ANKS1B: variants seen among roughly 807,000 people sequenced by gnomAD.
The protein encoded by ANKS1B is ankyrin repeat and sterile alpha motif domain-containing protein 1B.
ANKS1B carries 36 observed loss-of-function variants against 148.3 expected under a neutral mutation model. That is an observed-to-expected ratio of 0.24 (90% confidence interval 0.19 to 0.32). The LOEUF is 0.32. Among genes scored for constraint, ANKS1B ranks in the 10% least tolerant of loss-of-function variants. The probability of loss-of-function intolerance (pLI) is 1.00; values close to 1 mark genes in which losing one functional copy is unlikely to be tolerated. For missense variants in ANKS1B, 1,157 were observed against 1,542.6 expected (o/e 0.75, Z 4.19); for synonymous variants, 542 against 560.8 (o/e 0.97, Z 0.47).
At chr12:99,322,855 GAGTA>G (rs919951060) in intron 12 of ANKS1B, among the ~76,000 whole-genome samples, 3 of 152,194 alleles carry the variant, frequency 2.0e-5, no homozygotes, top group Non-Finnish European at 4.4e-5. Flanking sequence ...TCACGGTAGT[GAGTA>G]AGTCTCACAA....
chr12:98,812,508 G>C (rs2099105250), intron 19 of ANKS1B, among the ~76,000 whole-genome samples: 2 of 152,216 alleles, frequency 1.3e-5, no homozygotes, highest in Non-Finnish European at 2.9e-5. Context: ...CATCGTGTCA[G>C]TGCAAGTGGT....
chr12:98,938,080 A>T (rs1462026138), intron 17 of ANKS1B, among the ~76,000 whole-genome samples: 1 of 152,190 alleles, frequency 6.6e-6, no homozygotes, highest in Non-Finnish European at 1.5e-5. Flanking sequence ...GTGGGGACAC[A>T]GAGCCAAACC....
At chr12:99,513,913 A>G (rs565056609) in intron 9 of ANKS1B, among the ~76,000 whole-genome samples, 1 of 152,150 alleles carries the variant, frequency 6.6e-6, no homozygotes, top group East Asian at 1.9e-4. Context: ...TTTTCATCAT[A>G]ACTTTATTTG....
chr12:99,856,604 C>A (rs1241900769), intron 1 of ANKS1B, among the ~76,000 whole-genome samples: 2 of 152,060 alleles, frequency 1.3e-5, no homozygotes, highest in African/African-American at 4.8e-5. Flanking sequence ...AGACCAATAA[C>A]CCTGATGAAC....
chr12:99,364,154 G>T (rs2092640309), intron 12 of ANKS1B, among the ~76,000 whole-genome samples: 1 of 151,992 alleles, frequency 6.6e-6, no homozygotes, highest in Non-Finnish European at 1.5e-5. Flanking sequence ...TTTATTTTTT[G>T]CAGGACTCCT....
chr12:99,487,241 T>C (rs148241084), intron 10 of ANKS1B, among the ~76,000 whole-genome samples: 208 of 152,322 alleles, frequency 1.4e-3, no homozygotes, highest in African/African-American at 4.8e-3. Flanking sequence ...TAGACTATTA[T>C]GAATGTTGTT....
chr12:99,785,181 C>A (rs555364928), intron 4 of ANKS1B, among the ~76,000 whole-genome samples: 3 of 149,122 alleles, frequency 2.0e-5, no homozygotes, highest in African/African-American at 4.9e-5. Flanking sequence ...TTGAGCTACA[C>A]GAATGTTAGT....
rs77588477 is a variant in ANKS1B, at chr12:99,420,994, G to A, written c.1576-21183C>T. Among the ~76,000 whole-genome samples, 1,113 of 152,172 alleles carry A rather than the reference G, an allele frequency of 7.3e-3. 13 individuals carry two copies. Among genetic ancestry groups the A allele is most frequent in the African/African-American group, 0.025 (1,039 of 41,506 alleles). On this transcript the variant is annotated intron_variant, in intron 11 of 26. Coordinates refer to ENST00000683438, the MANE Select transcript of ANKS1B (RefSeq NM_001352186.2). ...AGAATTGGATTCAGATCCTAATGTCGGTATTTACAGTTTAGTATTTGCATT... is the reference window on the plus strand; with the variant it reads ...AGAATTGGATTCAGATCCTAATGTCAGTATTTACAGTTTAGTATTTGCATT...
chr12:99,898,494 T>C (rs1331142944), intron 1 of ANKS1B, among the ~76,000 whole-genome samples: 1 of 152,202 alleles, frequency 6.6e-6, no homozygotes, highest in East Asian at 1.9e-4. Flanking sequence ...CTGTCTCTTA[T>C]CTAACTTCTG....
At chr12:99,648,233 T>C in intron 9 of ANKS1B, 2 of 1,614,188 alleles carry the variant, frequency 1.2e-6, no homozygotes, top group African/African-American at 1.3e-5. Flanking sequence ...GCAATGGGCA[T>C]GTTTAACACC....
At chr12:99,739,129 T>A (rs998531117) in intron 8 of ANKS1B, among the ~76,000 whole-genome samples, 66 of 151,888 alleles carry the variant, frequency 4.3e-4, no homozygotes, top group Non-Finnish European at 1.0e-4. Flanking sequence ...ATCTCCTAAC[T>A]TTCACAACCT....
chr12:99,377,814 T>G (rs891488648), intron 12 of ANKS1B, among the ~76,000 whole-genome samples: 7 of 152,206 alleles, frequency 4.6e-5, no homozygotes, highest in African/African-American at 1.7e-4. Flanking sequence ...ATCCCATACT[T>G]TCTTCTAGAA....
intron 14 of ANKS1B, among the ~76,000 whole-genome samples, chr12:99,190,530 A>G (rs2080517803): frequency 6.6e-6 from 1 of 152,232 alleles, no homozygotes; most frequent in Admixed American, 6.5e-5. Context: ...GTCCTCAGAA[A>G]TCATACCACA....
At chr12:98,800,950 C>T (rs757951956) in intron 21 of ANKS1B, 47 bp downstream of exon 21, 18 of 1,577,628 alleles carry the variant, frequency 1.1e-5, no homozygotes, top group African/African-American at 1.4e-5. Flanking sequence ...TGAAAACATA[C>T]CCCCTATCTC....
intron 11 of ANKS1B, among the ~76,000 whole-genome samples, chr12:99,420,047 ACCTTTTTTT>A (rs1266838409): frequency 6.6e-6 from 1 of 151,982 alleles, no homozygotes; most frequent in Non-Finnish European, 1.5e-5. Context: ...CAGGTATCCT[ACCTTTTTTT>A]CATCTAAATC....
intron 1 of ANKS1B, among the ~76,000 whole-genome samples, chr12:99,894,784 A>AT (rs2093322035): frequency 6.7e-6 from 1 of 148,788 alleles, no homozygotes; most frequent in African/African-American, 2.4e-5. Context: ...TAATAATAAT[A>AT]ATATATCCAA....
chr12:99,653,614 TG>T (rs1465976523), intron 9 of ANKS1B, among the ~76,000 whole-genome samples: 1 of 152,136 alleles, frequency 6.6e-6, no homozygotes, highest in African/African-American at 2.4e-5. Flanking sequence ...TATTTTTTTT[TG>T]TTTTACATCC....
chr12:98,780,856 T>C (rs773870179), intron 24 of ANKS1B, among the ~76,000 whole-genome samples: 34 of 152,204 alleles, frequency 2.2e-4, no homozygotes, highest in Non-Finnish European at 3.7e-4. Flanking sequence ...AGAGAAAGCA[T>C]CATGACAAAG....
At chr12:99,302,722 G>T (rs1255385405) in intron 12 of ANKS1B, among the ~76,000 whole-genome samples, 1 of 152,124 alleles carries the variant, frequency 6.6e-6, no homozygotes, top group African/African-American at 2.4e-5. Flanking sequence ...ACATTGTTAA[G>T]TGACATAAAG....
Sources: allele counts gnomAD v4.1 joint callset (sites outside exome capture counted in the v4.1 genomes callset), GRCh38; gene constraint gnomAD v4.1.1; transcripts MANE v1.5; gene names NCBI Gene and HGNC (gene_info 2026-07-23, HGNC 2026-07-21).